Variants in TMCC2 observed in about 807,000 individuals in gnomAD.
TMCC2 encodes transmembrane and coiled-coil domains protein 2.
A neutral mutation model predicts 49.4 loss-of-function variants in TMCC2; 16 were observed. The ratio of observed to expected loss-of-function variants is 0.32; its 90% CI spans 0.22 to 0.49. The LOEUF (loss-of-function observed/expected upper bound fraction) is 0.49. Ranked by LOEUF, TMCC2 falls within the 20% of genes least tolerant of loss-of-function variation. The pLI is 0.99. For synonymous variants in TMCC2, 397 were observed against 434.1 expected, an observed-to-expected ratio of 0.91 and a Z score of 1.06; for missense variants, 762 against 989.8, an observed-to-expected ratio of 0.77 and a Z score of 3.09.
intron 1 of TMCC2, among the ~76,000 whole-genome samples, chr1:205,230,850 C>T (rs1472589140): frequency 2.0e-5 from 3 of 150,918 alleles, no homozygotes; most frequent in Admixed American, 6.6e-5. Context: ...TTTTTTTTGG[C>T]AGTGCCCTCA....
chr1:205,229,090 A>G, intron 1 of TMCC2: 1 of 1,191,222 alleles, frequency 8.4e-7, no homozygotes, highest in Non-Finnish European at 1.1e-6. Context: ...ATGCTAACCA[A>G]AAAGTGGACA....
chr1:205,270,494 C>T (rs937069397), intron 3 of TMCC2, among the ~76,000 whole-genome samples: 1 of 152,218 alleles, frequency 6.6e-6, no homozygotes, highest in Non-Finnish European at 1.5e-5. Flanking sequence ...CTGCCCTTGG[C>T]TCTGTGCCTC....
chr1:205,250,723 A>G (rs936819716), intron 2 of TMCC2, among the ~76,000 whole-genome samples: 1 of 152,160 alleles, frequency 6.6e-6, no homozygotes, highest in Non-Finnish European at 1.5e-5. Context: ...GGTGGGAGAC[A>G]AGCTGTCTGT....
At chr1:205,265,138 A>G (rs1419543836) in intron 2 of TMCC2, among the ~76,000 whole-genome samples, 1 of 152,098 alleles carries the variant, frequency 6.6e-6, no homozygotes, top group Non-Finnish European at 1.5e-5. Flanking sequence ...CTGCTGCAGG[A>G]CTGTTAGGCT....
At chr1:205,247,953 G>A (rs888200381) in intron 2 of TMCC2, among the ~76,000 whole-genome samples, 10 of 152,282 alleles carry the variant, frequency 6.6e-5, no homozygotes, top group Middle Eastern at 3.4e-3. Context: ...GCCCCAAAGG[G>A]AGCAGGGTGT....
chr1:205,229,519 G>A (rs1301499458), intron 1 of TMCC2: 1 of 573,768 alleles, frequency 1.7e-6, no homozygotes, highest in Admixed American at 9.4e-5. Context: ...CCTGGATGAA[G>A]CTCAGTTTGC....
At chr1:205,231,350 G>A (rs945621223) in intron 1 of TMCC2, among the ~76,000 whole-genome samples, 2 of 152,076 alleles carry the variant, frequency 1.3e-5, no homozygotes, top group Non-Finnish European at 2.9e-5. Context: ...AGGCTAGAGT[G>A]CAGTAGCATG....
At chr1:205,271,015 GGA>G in intron 3 of TMCC2, 103 bp from the exon 4 acceptor site, 2 of 1,478,988 alleles carry the variant, frequency 1.4e-6, no homozygotes, top group Non-Finnish European at 1.8e-6. Context: ...TGGACACGGG[GGA>G]TGGGCTGAGT....
At chr1:205,262,006 C>A (rs1271303566) in intron 2 of TMCC2, among the ~76,000 whole-genome samples, 1 of 152,172 alleles carries the variant, frequency 6.6e-6, no homozygotes, top group Non-Finnish European at 1.5e-5. Context: ...AATTTTCTTT[C>A]CTTTGTTAAA....
At chr1:205,239,190 T>C (rs944959682) in intron 1 of TMCC2, among the ~76,000 whole-genome samples, 4 of 152,154 alleles carry the variant, frequency 2.6e-5, no homozygotes. Context: ...GGACCTGGAA[T>C]AGAACGCTAG....
chr1:205,263,689 G>A (rs888829316), intron 2 of TMCC2, among the ~76,000 whole-genome samples: 1 of 152,128 alleles, frequency 6.6e-6, no homozygotes, highest in Non-Finnish European at 1.5e-5. Context: ...CTGGGCAGCA[G>A]AGTGATTCTG....
chr1:205,256,398 C>A, intron 2 of TMCC2: 1 of 1,551,066 alleles, frequency 6.4e-7, no homozygotes, highest in Non-Finnish European at 8.7e-7. Flanking sequence ...AGATGAAGTC[C>A]AAGGAGGAAG....
At chr1:205,237,079 A>G (rs896323) in intron 1 of TMCC2, among the ~76,000 whole-genome samples, 26,572 of 152,072 alleles carry the variant, frequency 0.17, 3,102 homozygotes, top group East Asian at 0.44. Context: ...GAATAAATAA[A>G]TGATTCCAAA....
In TMCC2 at chr1:205,272,344, C is replaced by A; in HGVS notation, c.*220C>A. 1 of 877,186 alleles carries A rather than the reference C, an allele frequency of 1.1e-6. No homozygotes were observed. The highest frequency in any genetic ancestry group is 1.7e-6 in the Non-Finnish European group (1 of 595,026). 54.3% of individuals were successfully genotyped at this position (877,186 alleles called of 1,614,324 possible). A position where few individuals can be genotyped will look rare whatever the true frequency, so the allele number is the denominator to read the frequency against. ...CAGCCCTACCTGGAGATAGTGCGGG[C>A]ACCTGTGGCCAAGTGGAGCAGAGGT... On this transcript the variant is annotated 3_prime_UTR_variant, in exon 5 of 5. Coordinates refer to ENST00000358024, the MANE Select transcript of TMCC2 (RefSeq NM_014858.4).
At chr1:205,239,205 A>G (rs1231048287) in intron 1 of TMCC2, among the ~76,000 whole-genome samples, 2 of 152,338 alleles carry the variant, frequency 1.3e-5, no homozygotes, top group East Asian at 3.9e-4. Flanking sequence ...CGCTAGAAAG[A>G]CAATTCGTAT....
intron 2 of TMCC2, among the ~76,000 whole-genome samples, chr1:205,247,843 C>T (rs138428576): frequency 3.9e-5 from 6 of 152,120 alleles, no homozygotes; most frequent in Non-Finnish European, 5.9e-5. Flanking sequence ...CCAGCCCTGG[C>T]GGGGTTGAGT....
chr1:205,249,525 G>A (rs115221631), intron 2 of TMCC2, among the ~76,000 whole-genome samples: 3,176 of 152,308 alleles, frequency 0.021, 110 homozygotes, highest in African/African-American at 0.073. Flanking sequence ...GGCCGTGGGG[G>A]CCCCTGGTAT....
chr1:205,253,288 G>A (rs1448411070), intron 2 of TMCC2, among the ~76,000 whole-genome samples: 1 of 152,162 alleles, frequency 6.6e-6, no homozygotes, highest in Admixed American at 6.5e-5. Flanking sequence ...TAAGGGAAGA[G>A]AAAGAAGGAT....
chr1:205,269,904 C>T lies in TMCC2; in HGVS notation c.1682+20C>T. Reference sequence around the variant, plus strand: ...CTACAGGTAGGTGCCTGCCCACCCCCTCCTGCAGCCCAGCCGGACGTGGGA... The same window carrying T: ...CTACAGGTAGGTGCCTGCCCACCCCTTCCTGCAGCCCAGCCGGACGTGGGA... On this transcript the variant is annotated intron_variant, in intron 3 of 4. Coordinates refer to ENST00000358024, the MANE Select transcript of TMCC2 (RefSeq NM_014858.4). 1.3e-6 allele frequency: 2 copies of T among 1,598,106 alleles called. No homozygotes were observed. The highest frequency in any genetic ancestry group is 1.1e-5 in the South Asian group (1 of 90,016).
Sources: gnomAD v4.1 joint callset for allele counts (sites outside exome capture counted in the v4.1 genomes callset) on GRCh38, gnomAD v4.1.1 for gene constraint, MANE v1.5 for transcripts, NCBI Gene and HGNC (gene_info 2026-07-23, HGNC 2026-07-21) for gene names.